The following ATL2 variants were observed in gnomAD, a reference collection of about 807,000 sequenced individuals.
ATL2 encodes the protein atlastin GTPase 2, also known as atlastin-2.
A neutral mutation model predicts 73.9 loss-of-function variants in ATL2; 31 were observed. The observed-to-expected ratio is 0.42, with a 90% CI of 0.32 to 0.57. ATL2 has a LOEUF of 0.57. ATL2 is among the 20% of genes least tolerant of loss of function. The pLI is 0.14. For missense variants in ATL2, 738 were observed against 702.6 expected (o/e 1.05, Z -0.57); for synonymous variants, 291 against 237.5 (o/e 1.23, Z -2.07).
chr2:38,365,800 C>T (rs1055338555), intron 1 of ATL2, among the ~76,000 whole-genome samples: 1 of 151,280 alleles, frequency 6.6e-6, no homozygotes, highest in South Asian at 2.1e-4. Context: ...GAAAAAAATT[C>T]GCCAGGTGTG....
intron 2 of ATL2, among the ~76,000 whole-genome samples, chr2:38,336,638 A>C (rs1174409002): frequency 6.6e-6 from 1 of 152,186 alleles, no homozygotes. Flanking sequence ...ACCAAACATA[A>C]TTTTACATAA....
chr2:38,318,080 C>T (rs1375637918), intron 4 of ATL2, among the ~76,000 whole-genome samples: 1 of 152,092 alleles, frequency 6.6e-6, no homozygotes, highest in Non-Finnish European at 1.5e-5. Context: ...TCACTTCAGC[C>T]CAAAAGCTAG....
chr2:38,372,941 C>A (rs1671766873), intron 1 of ATL2, among the ~76,000 whole-genome samples: 1 of 152,160 alleles, frequency 6.6e-6, no homozygotes, highest in South Asian at 2.1e-4. Context: ...AAAATTATAA[C>A]TTTTTATTGC....
At chr2:38,323,141 A>C (rs1668414738) in intron 2 of ATL2, among the ~76,000 whole-genome samples, 1 of 152,094 alleles carries the variant, frequency 6.6e-6, no homozygotes, top group Non-Finnish European at 1.5e-5. Flanking sequence ...CTGATAACAG[A>C]CCCTATTTGC....
chr2:38,352,131 A>AC (rs1359429349), intron 1 of ATL2, among the ~76,000 whole-genome samples: 1 of 106,108 alleles, frequency 9.4e-6, no homozygotes. Context: ...AAAAACAACA[A>AC]CCAAAAAAAA....
intron 2 of ATL2, among the ~76,000 whole-genome samples, chr2:38,336,330 T>A (rs1304623193): frequency 1.3e-5 from 2 of 152,214 alleles, no homozygotes; most frequent in Admixed American, 1.3e-4. Flanking sequence ...GGGGAGCAGC[T>A]CTTTAAATAG....
intron 9 of ATL2, among the ~76,000 whole-genome samples, chr2:38,301,436 A>T (rs1667186398): frequency 6.6e-6 from 1 of 152,248 alleles, no homozygotes; most frequent in Non-Finnish European, 1.5e-5. Flanking sequence ...GAGCAATCAC[A>T]GTACCTGGTT....
At chr2:38,303,205 T>C (rs527900597) in intron 9 of ATL2, among the ~76,000 whole-genome samples, 2 of 152,256 alleles carry the variant, frequency 1.3e-5, no homozygotes, top group East Asian at 3.9e-4. Context: ...TCCAAACCTC[T>C]TTTTTATTTT....
chr2:38,351,999 C>T (rs929372129), intron 1 of ATL2, among the ~76,000 whole-genome samples: 3 of 149,070 alleles, frequency 2.0e-5, no homozygotes, highest in Non-Finnish European at 3.0e-5. Context: ...GTAATCTCAG[C>T]TACTCGGGAG....
At chr2:38,317,436 G>C (rs1668084836) in intron 4 of ATL2, among the ~76,000 whole-genome samples, 3 of 151,976 alleles carry the variant, frequency 2.0e-5, no homozygotes, top group African/African-American at 7.3e-5. Context: ...GAAAAGAAAT[G>C]GCCTAGCCTG....
At chr2:38,324,910 G>A (rs1668512683) in intron 2 of ATL2, among the ~76,000 whole-genome samples, 1 of 152,212 alleles carries the variant, frequency 6.6e-6, no homozygotes, top group African/African-American at 2.4e-5. Context: ...TGTTTAATGG[G>A]CACAGAGCTT....
chr2:38,325,667 C>CCA (rs1668579047), intron 2 of ATL2, among the ~76,000 whole-genome samples: 1 of 43,474 alleles, frequency 2.3e-5, no homozygotes, highest in African/African-American at 2.7e-4. Context: ...CCAGTACACA[C>CCA]ACACACACAC....
intron 1 of ATL2, among the ~76,000 whole-genome samples, chr2:38,347,760 C>A (rs1670107919): frequency 6.7e-6 from 1 of 149,832 alleles, no homozygotes; most frequent in Non-Finnish European, 1.5e-5. Flanking sequence ...CTTACATCTG[C>A]CCTTACCTTT....
At chr2:38,365,298 T>G (rs1389717342) in intron 1 of ATL2, among the ~76,000 whole-genome samples, 1 of 152,112 alleles carries the variant, frequency 6.6e-6, no homozygotes, top group Non-Finnish European at 1.5e-5. Context: ...CTCTGGAAAT[T>G]TAGACACTAA....
Position 38,298,133 on chromosome 2 carries a change from T to C in ATL2, c.1632+11A>G, listed in dbSNP as rs760794735. 3.5e-5 allele frequency: 56 copies of C among 1,589,190 alleles called. No homozygotes were observed. In the South Asian group the frequency reaches 3.9e-4, roughly 11 times the overall value. ...GATTAGTCACTAAAAAACCAAAAGA[T>C]AGATACCAACCTGTTCCCATAGTGT... is the stretch of plus-strand genomic sequence containing the variant. On this transcript the variant is annotated intron_variant, in intron 12 of 12. Coordinates refer to ENST00000378954, the MANE Select transcript of ATL2 (RefSeq NM_001135673.4).
intron 2 of ATL2, among the ~76,000 whole-genome samples, chr2:38,332,282 C>T (rs1210214508): frequency 6.6e-6 from 1 of 152,232 alleles, no homozygotes; most frequent in Non-Finnish European, 1.5e-5. Context: ...TCAGGGCTCA[C>T]TGTAACCTCA....
intron 1 of ATL2, among the ~76,000 whole-genome samples, chr2:38,372,884 A>ACC (rs2124505348): frequency 6.6e-6 from 1 of 152,324 alleles, no homozygotes; most frequent in African/African-American, 2.4e-5. Context: ...CTAAAATTTA[A>ACC]AACTTGCCTA....
intron 1 of ATL2, chr2:38,376,249 T>G (rs934190353): frequency 2.1e-6 from 3 of 1,430,828 alleles, no homozygotes; most frequent in Non-Finnish European, 2.8e-6. Flanking sequence ...TAAACTCCTA[T>G]AAATAGGGGT....
At chr2:38,332,590 T>G (rs1481583394) in intron 2 of ATL2, among the ~76,000 whole-genome samples, 1 of 152,204 alleles carries the variant, frequency 6.6e-6, no homozygotes, top group Non-Finnish European at 1.5e-5. Flanking sequence ...ACACTTTAAG[T>G]GAATGACTTA....
Sources: gnomAD v4.1 joint callset for allele counts (sites outside exome capture counted in the v4.1 genomes callset) on GRCh38, gnomAD v4.1.1 for gene constraint, MANE v1.5 for transcripts, NCBI Gene and HGNC (gene_info 2026-07-23, HGNC 2026-07-21) for gene names.